ZNF469: variants seen among roughly 807,000 people sequenced by gnomAD.
ZNF469 encodes zinc finger protein 469.
A neutral mutation model predicts 1.0 loss-of-function variants in ZNF469; 1 was observed. The ratio of observed to expected loss-of-function variants is 1.00; its 90% CI spans 0.35 to 4.73. The LOEUF (loss-of-function observed/expected upper bound fraction) is 4.73. Ranked by LOEUF, ZNF469 falls within the 30% of genes most tolerant of loss-of-function variation. ZNF469 has a pLI of 0.16. For missense variants in ZNF469, 6,100 were observed against 5,356.3 expected (o/e 1.14, Z -4.33); for synonymous variants, 2,703 against 2,363.4 (o/e 1.14, Z -4.17).
chr16:88,311,576 G>T, the ZNF469 span, among the ~76,000 whole-genome samples: 3 of 152,210 alleles, frequency 2.0e-5, no homozygotes, highest in African/African-American at 7.2e-5. Context: ...GTAAGGGATG[G>T]TGGCCTGCCC....
At chr16:88,171,412 C>T in the ZNF469 span, among the ~76,000 whole-genome samples, 2 of 152,242 alleles carry the variant, frequency 1.3e-5, no homozygotes, top group East Asian at 3.8e-4. Flanking sequence ...TAAGAACTTG[C>T]TCCTGATGGT....
At chr16:88,384,830 G>A (rs1310323965) in intron 1 of ZNF469, among the ~76,000 whole-genome samples, 4 of 152,046 alleles carry the variant, frequency 2.6e-5, no homozygotes, top group Non-Finnish European at 5.9e-5. Flanking sequence ...CCTCATCAGC[G>A]CTTCAGTCTC....
At chr16:88,118,273 G>C in the ZNF469 span, among the ~76,000 whole-genome samples, 2 of 152,220 alleles carry the variant, frequency 1.3e-5, no homozygotes, top group East Asian at 3.9e-4. Context: ...TTGCCTCGCA[G>C]CTTTTAAAGA....
the ZNF469 span, among the ~76,000 whole-genome samples, chr16:88,346,715 C>T: frequency 1.3e-5 from 2 of 152,180 alleles, no homozygotes; most frequent in African/African-American, 2.4e-5. Flanking sequence ...TGGAGTCTCG[C>T]TATGTTGCCC....
chr16:88,111,219 G>A, the ZNF469 span, among the ~76,000 whole-genome samples: 28 of 152,178 alleles, frequency 1.8e-4, no homozygotes, highest in Non-Finnish European at 3.5e-4. Context: ...ACCACTCCCC[G>A]CAGTGGCCAG....
chr16:88,262,249 A>C, the ZNF469 span, among the ~76,000 whole-genome samples: 1 of 152,168 alleles, frequency 6.6e-6, no homozygotes, highest in Non-Finnish European at 1.5e-5. This position sits in a 1 kb window ranked among gnomAD's most constrained non-coding sequence, Gnocchi z 4.3. Context: ...GCTGGAAATA[A>C]AACACCCTGA....
intron 1 of ZNF469, among the ~76,000 whole-genome samples, chr16:88,386,503 G>T (rs528815874): frequency 2.2e-4 from 33 of 152,054 alleles, no homozygotes; most frequent in African/African-American, 8.0e-4. Flanking sequence ...CCCATCACTG[G>T]TGTCCCATCT....
At chr16:88,123,886 C>A in the ZNF469 span, among the ~76,000 whole-genome samples, 1 of 152,310 alleles carries the variant, frequency 6.6e-6, no homozygotes, top group Middle Eastern at 3.4e-3. Context: ...TAACTGCAAA[C>A]TCCGTCTCCC....
At chr16:88,224,852 G>A in the ZNF469 span, among the ~76,000 whole-genome samples, 1 of 152,332 alleles carries the variant, frequency 6.6e-6, no homozygotes, top group South Asian at 2.1e-4. Context: ...GAAGCGCCCA[G>A]TGGGTCCCCA....
the ZNF469 span, among the ~76,000 whole-genome samples, chr16:88,240,963 C>T: frequency 1.3e-5 from 2 of 152,118 alleles, no homozygotes; most frequent in African/African-American, 4.8e-5. Flanking sequence ...GGCGGAAACC[C>T]CATCTTCCTG....
the ZNF469 span, among the ~76,000 whole-genome samples, chr16:88,256,811 G>A: frequency 5.3e-5 from 8 of 151,714 alleles, no homozygotes; most frequent in African/African-American, 1.9e-4. Context: ...TGACATGTGT[G>A]GTGAGGAGCC....
chr16:88,147,181 C>T, the ZNF469 span, among the ~76,000 whole-genome samples: 72 of 152,072 alleles, frequency 4.7e-4, no homozygotes, highest in South Asian at 6.9e-3. Flanking sequence ...GGAGCTGCCA[C>T]GCAGCTGGCT....
At chr16:88,276,241 C>T in the ZNF469 span, among the ~76,000 whole-genome samples, 1 of 152,056 alleles carries the variant, frequency 6.6e-6, no homozygotes, top group Admixed American at 6.5e-5. Context: ...GGCCCCTGTG[C>T]GTGTAAGCGA....
At chr16:88,381,150 T>TCA (rs368929813), upstream of ZNF469, among the ~76,000 whole-genome samples, 1 of 49,148 alleles carries the variant, frequency 2.0e-5, no homozygotes, top group Non-Finnish European at 4.1e-5. Flanking sequence ...ACACACACAC[T>TCA]CACACACAGA....
chr16:88,365,951 GC>G, the ZNF469 span, among the ~76,000 whole-genome samples: 1 of 152,148 alleles, frequency 6.6e-6, no homozygotes, highest in Non-Finnish European at 1.5e-5. Context: ...TGGTGACAGT[GC>G]CCCCTGCAGA....
the ZNF469 span, among the ~76,000 whole-genome samples, chr16:88,181,633 A>G: frequency 3.1e-4 from 47 of 152,248 alleles, no homozygotes; most frequent in South Asian, 4.1e-3. Context: ...TACATATGAC[A>G]ATTTGTAGGT....
chr16:88,344,868 G>A, the ZNF469 span, among the ~76,000 whole-genome samples: 6 of 152,194 alleles, frequency 3.9e-5, no homozygotes, highest in African/African-American at 9.7e-5. Context: ...CCCGCGTGTC[G>A]AACCCGTCAG....
At chr16:88,129,387 G>A in the ZNF469 span, among the ~76,000 whole-genome samples, 3 of 152,318 alleles carry the variant, frequency 2.0e-5, no homozygotes, top group East Asian at 3.9e-4. Context: ...CTGTGGAGCC[G>A]AGAAGACAGA....
In ZNF469 at chr16:88,431,860, T is replaced by C. The variant is rs1002786210; in HGVS notation, c.4390T>C (p.Phe1464Leu). Reference sequence around the variant, plus strand: ...CTTCCCAGACCTGCCGGTGGACAGATTCGACCCACCCCTCTATGGCAGCCT... The same window carrying C: ...CTTCCCAGACCTGCCGGTGGACAGACTCGACCCACCCCTCTATGGCAGCCT... The part of the protein sequence containing the change: ...SLFPDLPVDR[F>L]DPPLYGSLSA... The change falls in exon 3 of 3, where the codon TTC (phenylalanine) becomes CTC (leucine). Residue 1464 changes from phenylalanine (F) to leucine (L), a missense_variant. Coordinates refer to ENST00000565624, the MANE Select transcript of ZNF469 (RefSeq NM_001367624.2). The C allele has an allele frequency of 1.3e-6, 2 of 1,550,030 alleles. No homozygotes were observed. The highest frequency in any genetic ancestry group is 2.7e-5 in the African/African-American group (2 of 73,042).
Sources: gnomAD v4.1 joint callset for allele counts (sites outside exome capture counted in the v4.1 genomes callset) on GRCh38, gnomAD v4.1.1 for gene constraint, Gnocchi (gnomAD v3.1) non-coding constraint, MANE v1.5 for transcripts, NCBI Gene and HGNC (gene_info 2026-07-23, HGNC 2026-07-21) for gene names.